Variants in PIP4K2A observed in about 807,000 individuals in gnomAD.
PIP4K2A encodes phosphatidylinositol-5-phosphate 4-kinase type 2 alpha, also known as phosphatidylinositol 5-phosphate 4-kinase type-2 alpha.
PIP4K2A carries 14 observed loss-of-function variants against 42.9 expected under a neutral mutation model. The ratio of observed to expected loss-of-function variants is 0.33; its 90% CI spans 0.22 to 0.51. The LOEUF is 0.51. Among genes scored for constraint, PIP4K2A ranks in the 20% least tolerant of loss-of-function variants. The pLI is 0.97. For missense variants in PIP4K2A, 434 were observed against 519.8 expected (o/e 0.83, Z 1.61); for synonymous variants, 192 against 192.2 (o/e 1.00, Z 0.01).
chr10:22,633,408 C>A (rs1224042918), intron 1 of PIP4K2A, among the ~76,000 whole-genome samples: 3 of 152,288 alleles, frequency 2.0e-5, no homozygotes, highest in East Asian at 1.9e-4. Flanking sequence ...TAAGTCTATG[C>A]GATCCTCTGC....
At chr10:22,612,070 T>G (rs549723230) in intron 1 of PIP4K2A, among the ~76,000 whole-genome samples, 1 of 152,354 alleles carries the variant, frequency 6.6e-6, no homozygotes, top group Non-Finnish European at 1.5e-5. Context: ...TGGAACATGT[T>G]TTGTGGAGAA....
intron 3 of PIP4K2A, among the ~76,000 whole-genome samples, chr10:22,602,744 TCTCA>T (rs1322531333): frequency 6.6e-6 from 1 of 152,196 alleles, no homozygotes; most frequent in African/African-American, 2.4e-5. Context: ...AGAGATGGTG[TCTCA>T]CTGTGTTGCC....
In PIP4K2A at chr10:22,619,874, C is replaced by T. The variant is rs1018211757; in HGVS notation, c.145-10157G>A. Among the ~76,000 whole-genome samples, 3 of 152,092 alleles carry T rather than the reference C, an allele frequency of 2.0e-5. No homozygotes were observed. The East Asian group carries it at 5.8e-4, about 29-fold the overall frequency. On this transcript the variant is annotated intron_variant, in intron 1 of 9. Coordinates refer to ENST00000376573, the MANE Select transcript of PIP4K2A (RefSeq NM_005028.5). ...CCTTCCAATATCTAGAAAAGAAATGCTTTTTTTGACAAGCCAAATAAAGTT... is the reference window on the plus strand; with the variant it reads ...CCTTCCAATATCTAGAAAAGAAATGTTTTTTTTGACAAGCCAAATAAAGTT...
chr10:22,583,945 C>T (rs908617797), intron 4 of PIP4K2A, among the ~76,000 whole-genome samples: 6 of 152,228 alleles, frequency 3.9e-5, no homozygotes, highest in Non-Finnish European at 8.8e-5. Flanking sequence ...CATAGTGCCC[C>T]GCCAGGTTAG....
At chr10:22,546,569 G>A (rs1476361795) in intron 7 of PIP4K2A, among the ~76,000 whole-genome samples, 2 of 151,996 alleles carry the variant, frequency 1.3e-5, no homozygotes, top group Admixed American at 6.6e-5. Flanking sequence ...GCACCACCAC[G>A]TTTGGCTAAT....
At chr10:22,701,309 C>T (rs1324068152) in intron 1 of PIP4K2A, among the ~76,000 whole-genome samples, 2 of 152,162 alleles carry the variant, frequency 1.3e-5, no homozygotes, top group Admixed American at 1.3e-4. Flanking sequence ...TAACAGTCAC[C>T]AAATCCAGCT....
rs1399577055 is a variant in PIP4K2A, at chr10:22,667,385, C to A, written c.144+46798G>T. Reference sequence around the variant, plus strand: ...AATATTACATAATTTTTTATGAATACCAAATTAGAATTATGGTAGCAAACA... The same window carrying A: ...AATATTACATAATTTTTTATGAATAACAAATTAGAATTATGGTAGCAAACA... On this transcript the variant is annotated intron_variant, in intron 1 of 9. Coordinates refer to ENST00000376573, the MANE Select transcript of PIP4K2A (RefSeq NM_005028.5). Among the ~76,000 whole-genome samples the A allele has an allele frequency of 2.6e-5, 4 of 152,200 alleles. No homozygotes were observed. The East Asian group carries it at 7.7e-4, about 29-fold the overall frequency.
intron 1 of PIP4K2A, among the ~76,000 whole-genome samples, chr10:22,637,154 T>C (rs1380557149): frequency 2.0e-5 from 3 of 152,206 alleles, no homozygotes; most frequent in Non-Finnish European, 4.4e-5. Context: ...AGGTCTGGAA[T>C]GGAAGTGTAT....
intron 1 of PIP4K2A, among the ~76,000 whole-genome samples, chr10:22,704,493 G>A (rs1254153872): frequency 1.3e-5 from 2 of 151,946 alleles, no homozygotes; most frequent in East Asian, 3.8e-4. Context: ...TTTCACTCCT[G>A]CTATGAAAAG....
At chr10:22,569,337 A>G (rs1836926013) in intron 5 of PIP4K2A, among the ~76,000 whole-genome samples, 2 of 152,188 alleles carry the variant, frequency 1.3e-5, no homozygotes, top group Non-Finnish European at 2.9e-5. Flanking sequence ...CCCAAAGCTG[A>G]CCCATCAGAT....
At chr10:22,703,828 C>T (rs919294299) in intron 1 of PIP4K2A, among the ~76,000 whole-genome samples, 5 of 152,086 alleles carry the variant, frequency 3.3e-5, no homozygotes, top group East Asian at 1.9e-4. Flanking sequence ...CATGTGGATT[C>T]GGGACTCAAA....
intron 1 of PIP4K2A, among the ~76,000 whole-genome samples, chr10:22,698,758 C>T (rs1457552247): frequency 6.6e-6 from 1 of 152,068 alleles, no homozygotes; most frequent in Non-Finnish European, 1.5e-5. Context: ...TTTAAAAAGA[C>T]ATTGGAAAGA....
chr10:22,656,379 G>T (rs1839102088), intron 1 of PIP4K2A, among the ~76,000 whole-genome samples: 1 of 152,192 alleles, frequency 6.6e-6, no homozygotes, highest in African/African-American at 2.4e-5. Flanking sequence ...TTCAGGGACA[G>T]ACGTATGACC....
At chr10:22,694,326 T>C (rs1839928436) in intron 1 of PIP4K2A, 1 of 152,206 alleles carries the variant, frequency 6.6e-6, no homozygotes, top group African/African-American at 2.4e-5. Context: ...AGATGTCACA[T>C]GCCACTTAAA....
intron 3 of PIP4K2A, among the ~76,000 whole-genome samples, chr10:22,602,394 T>TAA (rs71395805): frequency 0.011 from 1,103 of 101,300 alleles, 11 homozygotes; most frequent in African/African-American, 0.03. Context: ...ACTCTGTCTA[T>TAA]AAAAAAAAAA....
At chr10:22,708,428 T>C (rs913457542) in intron 1 of PIP4K2A, among the ~76,000 whole-genome samples, 2 of 152,290 alleles carry the variant, frequency 1.3e-5, no homozygotes, top group African/African-American at 4.8e-5. Flanking sequence ...ATCCCAGCCC[T>C]AGTGGCTCCC....
intron 1 of PIP4K2A, among the ~76,000 whole-genome samples, chr10:22,696,326 AT>A (rs1298073120): frequency 1.3e-5 from 2 of 152,204 alleles, no homozygotes; most frequent in Admixed American, 1.3e-4. Flanking sequence ...CCCAACTGTT[AT>A]AAGTGTGTTT....
chr10:22,636,671 A>G (rs1227517591), intron 1 of PIP4K2A, among the ~76,000 whole-genome samples: 3 of 152,222 alleles, frequency 2.0e-5, no homozygotes, highest in African/African-American at 7.2e-5. Flanking sequence ...ATGTCCTTCA[A>G]GTCTGTAGTA....
chr10:22,602,617 A>G (rs1303647976), intron 3 of PIP4K2A, among the ~76,000 whole-genome samples: 2 of 151,976 alleles, frequency 1.3e-5, no homozygotes, highest in Non-Finnish European at 2.9e-5. Context: ...TTCACATTTC[A>G]TGGGCTCTCC....
Sources: gnomAD v4.1 joint callset for allele counts (sites outside exome capture counted in the v4.1 genomes callset) on GRCh38, gnomAD v4.1.1 for gene constraint, MANE v1.5 for transcripts, NCBI Gene and HGNC (gene_info 2026-07-23, HGNC 2026-07-21) for gene names.